Variants in WASF2 observed in about 807,000 individuals in gnomAD.
WASF2 encodes actin-binding protein WASF2.
In WASF2, 14 loss-of-function variants were observed where a neutral mutation model predicts 45.0. The observed-to-expected ratio is 0.31, with a 90% CI of 0.21 to 0.49. WASF2 has a LOEUF of 0.49. WASF2 is among the 20% of genes least tolerant of loss of function. WASF2 has a pLI of 0.99. For synonymous variants in WASF2, 200 were observed against 236.3 expected, an observed-to-expected ratio of 0.85 and a Z score of 1.41; for missense variants, 439 against 636.1, an observed-to-expected ratio of 0.69 and a Z score of 3.33.
rs771516651 is a variant in WASF2 at position 27,412,693 on chromosome 1, T to C, written c.703A>G (p.Ile235Val). 6.2e-7 allele frequency: 1 copy of C among 1,614,208 alleles called. No individual in the cohort carries two copies. The highest frequency in any genetic ancestry group is 1.1e-5 in the South Asian group (1 of 91,084). ...PPTLVYQNGS[I>V]GCVENVDASS... The stretch of plus-strand genomic sequence containing the variant: ...GCATCCACGTTTTCAACACAGCCAA[T>C]GCTGCCATTCTGGTACACCAAAGTG... The change falls in exon 7 of 9, where the codon ATT becomes GTT. Residue 235 changes from isoleucine (I) to valine (V), a missense_variant. By Grantham distance (29) the Ile-to-Val change is conservative. Transcript: ENST00000618852.
chr1:27,446,006 A>G (rs1220675377), intron 1 of WASF2, among the ~76,000 whole-genome samples: 1 of 152,092 alleles, frequency 6.6e-6, no homozygotes, highest in African/African-American at 2.4e-5. Flanking sequence ...TAAGATAATT[A>G]TATCAGAAGT....
At chr1:27,459,708 A>G (rs2017519288) in intron 1 of WASF2, 1 of 152,220 alleles carries the variant, frequency 6.6e-6, no homozygotes, top group Admixed American at 6.5e-5. Context: ...TTCTTCCTCC[A>G]AACTTTATAC....
intron 1 of WASF2, among the ~76,000 whole-genome samples, chr1:27,460,745 G>A (rs939012741): frequency 6.6e-6 from 1 of 152,152 alleles, no homozygotes; most frequent in Non-Finnish European, 1.5e-5. Context: ...ACTGTGAATA[G>A]AGCAAAATAG....
At chr1:27,430,423 C>T (rs1557602729) in intron 1 of WASF2, among the ~76,000 whole-genome samples, 1 of 152,126 alleles carries the variant, frequency 6.6e-6, no homozygotes, top group Non-Finnish European at 1.5e-5. Context: ...TGCAGTGGCA[C>T]GATCTCAGCT....
intron 1 of WASF2, among the ~76,000 whole-genome samples, chr1:27,460,945 T>C (rs1237060211): frequency 1.3e-5 from 2 of 152,126 alleles, no homozygotes; most frequent in Non-Finnish European, 1.5e-5. Flanking sequence ...GAGACCATCC[T>C]GGCTAACACA....
intron 1 of WASF2, among the ~76,000 whole-genome samples, chr1:27,484,583 G>C (rs980473661): frequency 6.6e-6 from 1 of 152,006 alleles, no homozygotes; most frequent in African/African-American, 2.4e-5. Flanking sequence ...CGAGGTGGGT[G>C]GATCATGAGG....
chr1:27,412,558 G>A lies in WASF2; in HGVS notation c.824+14C>T. On this transcript the variant is annotated intron_variant, in intron 7 of 8. Transcript: ENST00000618852. ...TAACTACCAATAGTGGATGGAGTAG[G>A]TACCACCATTTACCTGAATTCTGCT... 1.2e-6 allele frequency: 2 copies of A among 1,614,062 alleles called. No individual in the cohort carries two copies. The highest frequency in any genetic ancestry group is 1.7e-6 in the Non-Finnish European group (2 of 1,179,946).
At position 27,457,847 on chromosome 1, in the gene WASF2, C is replaced by T. The variant is rs569425569; in HGVS notation, c.-43-28914G>A. 2.6e-5 allele frequency among the ~76,000 whole-genome samples: 4 copies of T among 151,988 alleles called. No homozygotes were observed. In the East Asian group the frequency reaches 7.8e-4, roughly 30 times the overall value. ...ATTTTGCCCAGGCTGGTCTCAAATT[C>T]CTGGGCCTCAAGCAATCCTCCCACC... On this transcript the variant is annotated intron_variant, in intron 1 of 8. Coordinates refer to ENST00000618852, the MANE Select transcript of WASF2 (RefSeq NM_006990.5).
chr1:27,432,961 C>T (rs2017086426), intron 1 of WASF2, among the ~76,000 whole-genome samples: 1 of 152,152 alleles, frequency 6.6e-6, no homozygotes, highest in African/African-American at 2.4e-5. Flanking sequence ...TGGGGCCTTG[C>T]TATGCTGTCC....
chr1:27,451,615 T>C (rs766765454), intron 1 of WASF2, among the ~76,000 whole-genome samples: 2 of 152,102 alleles, frequency 1.3e-5, no homozygotes, highest in Non-Finnish European at 2.9e-5. Context: ...GGCAGCAGTA[T>C]GGAGAATGTA....
rs2016780956 is a variant in WASF2, at chr1:27,412,713, A to G, written c.683T>C (p.Leu228Ser). 1 of 1,614,238 alleles carries G rather than the reference A, an allele frequency of 6.2e-7. No homozygotes were observed. Among genetic ancestry groups the G allele is most frequent in the Admixed American group, 1.7e-5 (1 of 60,038 alleles). The change falls in exon 7 of 9, where the codon TTG becomes TCG. Residue 228 changes from leucine (L) to serine (S), a missense_variant. Physicochemically the swap from Leu to Ser is moderately radical, Grantham distance 145 (BLOSUM62 -2). This residue lies in a region of WASF2 where 286 missense variants were observed against 373.5 expected (regional missense o/e 0.77). Coordinates refer to ENST00000618852, the MANE Select transcript of WASF2 (RefSeq NM_006990.5). ...GCCAATGCTGCCATTCTGGTACACC[A>G]AAGTGGGTGGATACCTGACAATGAA... ...KLGTSGYPPTLVYQNGSIGCV... is the reference protein window; with the variant it reads ...KLGTSGYPPTSVYQNGSIGCV...
intron 1 of WASF2, among the ~76,000 whole-genome samples, chr1:27,487,250 G>A (rs955115836): frequency 6.9e-6 from 1 of 145,348 alleles, no homozygotes; most frequent in Non-Finnish European, 1.5e-5. Flanking sequence ...ACAGGCACCC[G>A]CCACCACGCC....
At chr1:27,426,636 G>A (rs1162990715) in intron 2 of WASF2, among the ~76,000 whole-genome samples, 4 of 151,452 alleles carry the variant, frequency 2.6e-5, no homozygotes, top group South Asian at 4.2e-4. Context: ...TTAGCCTCCC[G>A]AGTAGCTGGG....
Position 27,429,048 on chromosome 1 carries a change from A to T in WASF2, c.-43-115T>A, listed in dbSNP as rs560073497. ...CTTACCCTGATCTAAAACAGCTTTA[A>T]AAAAAATCTTCATTCTCCCTATCTT... On this transcript the variant is annotated intron_variant, in intron 1 of 8. Coordinates refer to ENST00000618852, the MANE Select transcript of WASF2 (RefSeq NM_006990.5). The T allele has an allele frequency of 1.1e-5, 10 of 916,138 alleles. No homozygotes were observed. In the African/African-American group the frequency reaches 1.7e-4, roughly 16 times the overall value. The allele number at this position is 916,138 out of a possible 1,614,324, so 56.8% of individuals were successfully genotyped here.
At chr1:27,487,986 G>C (rs1054203945) in intron 1 of WASF2, among the ~76,000 whole-genome samples, 1 of 151,706 alleles carries the variant, frequency 6.6e-6, no homozygotes, top group African/African-American at 2.4e-5. Context: ...TATGAAAGTA[G>C]AGCCTGGGAC....
At chr1:27,426,947 C>T (rs1375860798) in intron 2 of WASF2, among the ~76,000 whole-genome samples, 1 of 152,146 alleles carries the variant, frequency 6.6e-6, no homozygotes, top group Non-Finnish European at 1.5e-5. Flanking sequence ...ATAAAGTAGG[C>T]AATCAACAAA....
Position 27,483,794 on chromosome 1 carries a change from A to G in WASF2, c.-44+6192T>C, listed in dbSNP as rs555128061. 3.3e-5 allele frequency among the ~76,000 whole-genome samples: 5 copies of G among 151,836 alleles called. No individual in the cohort carries two copies. In the South Asian group the frequency reaches 8.4e-4, roughly 26 times the overall value. ...CATAGTTAGACCTCGTCTCTAAAAA[A>G]TTTAACAAATTGGGTGGGCATGGTA... On this transcript the variant is annotated intron_variant, in intron 1 of 8. Coordinates refer to ENST00000618852, the MANE Select transcript of WASF2 (RefSeq NM_006990.5).
chr1:27,482,994 G>A (rs940332456), intron 1 of WASF2, among the ~76,000 whole-genome samples: 27 of 152,116 alleles, frequency 1.8e-4, no homozygotes, highest in Non-Finnish European at 7.4e-5. Context: ...ATTCCTGGTC[G>A]GACCATGAAA....
intron 1 of WASF2, among the ~76,000 whole-genome samples, chr1:27,484,339 T>C (rs1191187561): frequency 1.3e-5 from 2 of 152,174 alleles, no homozygotes; most frequent in South Asian, 2.1e-4. Flanking sequence ...CCCAAATTCA[T>C]ATGGCTGGTA....
Sources: allele counts gnomAD v4.1 joint callset (sites outside exome capture counted in the v4.1 genomes callset), GRCh38; gene constraint gnomAD v4.1.1; regional missense constraint gnomAD v4.1.1; transcripts MANE v1.5; gene names NCBI Gene and HGNC (gene_info 2026-07-23, HGNC 2026-07-21).